The following LRRC4C variants were observed in gnomAD, a reference collection of about 807,000 sequenced individuals.
LRRC4C encodes the protein leucine rich repeat containing 4C.
LRRC4C carries 5 observed loss-of-function variants against 33.6 expected under a neutral mutation model. The observed-to-expected ratio is 0.15, with a 90% CI of 0.08 to 0.31. LRRC4C has a LOEUF of 0.31. Among genes scored for constraint, LRRC4C ranks in the 10% least tolerant of loss-of-function variants. The probability of loss-of-function intolerance (pLI) is 1.00; values close to 1 mark genes in which losing one functional copy is unlikely to be tolerated. For missense variants in LRRC4C, 560 were observed against 796.7 expected (o/e 0.70, Z 3.58); for synonymous variants, 329 against 302.0 (o/e 1.09, Z -0.93).
intron 3 of LRRC4C, among the ~76,000 whole-genome samples, chr11:40,484,741 G>T (rs1485810485): frequency 6.6e-6 from 1 of 151,974 alleles, no homozygotes; most frequent in Non-Finnish European, 1.5e-5. Flanking sequence ...TGGAAAAAAA[G>T]AATTATTCCA....
At chr11:40,927,693 G>C (rs1212718395) in intron 2 of LRRC4C, among the ~76,000 whole-genome samples, 1 of 152,100 alleles carries the variant, frequency 6.6e-6, no homozygotes, top group East Asian at 1.9e-4. Context: ...GCCTCTTCGG[G>C]CAGTTAAAAA....
intron 3 of LRRC4C, among the ~76,000 whole-genome samples, chr11:40,646,276 A>G (rs1942450542): frequency 1.3e-5 from 2 of 152,208 alleles, no homozygotes. Flanking sequence ...TCAGAAACAA[A>G]AAAGAACAGA....
chr11:41,399,061 A>T (rs909391726), intron 1 of LRRC4C, among the ~76,000 whole-genome samples: 3 of 151,998 alleles, frequency 2.0e-5, no homozygotes, highest in African/African-American at 7.2e-5. Context: ...TCTAGAAAGA[A>T]CTGACCAAAG....
chr11:40,497,689 C>T (rs1403902347), intron 3 of LRRC4C, among the ~76,000 whole-genome samples: 1 of 152,162 alleles, frequency 6.6e-6, no homozygotes, highest in Non-Finnish European at 1.5e-5. Flanking sequence ...AGCAGATAAC[C>T]TTGGACTCTA....
At chr11:41,065,684 G>C (rs1043469540) in intron 1 of LRRC4C, among the ~76,000 whole-genome samples, 15 of 152,184 alleles carry the variant, frequency 9.9e-5, no homozygotes, top group Non-Finnish European at 1.9e-4. Flanking sequence ...CAACAGGCCA[G>C]TATCCCTCTG....
At chr11:41,286,353 C>T (rs1276282127) in intron 1 of LRRC4C, among the ~76,000 whole-genome samples, 3 of 151,972 alleles carry the variant, frequency 2.0e-5, no homozygotes, top group South Asian at 2.1e-4. Context: ...GTCAAATCTC[C>T]GGGACTCAAC....
intron 1 of LRRC4C, among the ~76,000 whole-genome samples, chr11:41,286,156 C>A (rs770501984): frequency 3.3e-5 from 5 of 152,138 alleles, no homozygotes; most frequent in African/African-American, 4.8e-5. Flanking sequence ...GAGCAAGAGG[C>A]ACAACTTCAA....
chr11:41,404,078 T>A (rs1954126264), intron 1 of LRRC4C, among the ~76,000 whole-genome samples: 1 of 152,082 alleles, frequency 6.6e-6, no homozygotes, highest in Non-Finnish European at 1.5e-5. Context: ...AGAAGACATG[T>A]TTTGGTGATG....
intron 2 of LRRC4C, among the ~76,000 whole-genome samples, chr11:40,747,825 A>G (rs1443168476): frequency 6.6e-6 from 1 of 152,314 alleles, no homozygotes; most frequent in South Asian, 2.1e-4. Context: ...AAAGAAACTC[A>G]GAATTTGAAG....
At chr11:40,436,621 T>C (rs1951150581) in intron 3 of LRRC4C, among the ~76,000 whole-genome samples, 1 of 152,162 alleles carries the variant, frequency 6.6e-6, no homozygotes, top group Non-Finnish European at 1.5e-5. Flanking sequence ...CAAGACTCAA[T>C]AGAGCTATTA....
intron 1 of LRRC4C, among the ~76,000 whole-genome samples, chr11:41,316,279 A>AAAAAAAAAAAAAAAAAAAAAAAT (rs1555145089): frequency 6.8e-6 from 1 of 147,082 alleles, no homozygotes. Flanking sequence ...AAAAAAAAAA[A>AAAAAAAAAAAAAAAAAAAAAAAT]CAAAAAAAAA....
intron 3 of LRRC4C, among the ~76,000 whole-genome samples, chr11:40,371,522 C>G (rs185846452): frequency 1.3e-5 from 2 of 152,130 alleles, no homozygotes; most frequent in Non-Finnish European, 2.9e-5. Flanking sequence ...GGTTATAGAC[C>G]ATGGTGGACT....
At chr11:40,501,771 A>G (rs1474809773) in intron 3 of LRRC4C, among the ~76,000 whole-genome samples, 1 of 152,044 alleles carries the variant, frequency 6.6e-6, no homozygotes, top group Non-Finnish European at 1.5e-5. Context: ...TGTCCTGGAG[A>G]CATTTTCCCC....
At chr11:41,135,884 T>G (rs572648242) in intron 1 of LRRC4C, among the ~76,000 whole-genome samples, 1 of 152,164 alleles carries the variant, frequency 6.6e-6, no homozygotes, top group African/African-American at 2.4e-5. Flanking sequence ...GGCTAACATA[T>G]CAAGCTGACA....
intron 5 of LRRC4C, among the ~76,000 whole-genome samples, chr11:40,165,981 A>G (rs1270392442): frequency 6.6e-6 from 1 of 152,120 alleles, no homozygotes; most frequent in East Asian, 1.9e-4. Flanking sequence ...AAAGAAAACT[A>G]TCTCACTGCT....
intron 5 of LRRC4C, among the ~76,000 whole-genome samples, chr11:40,225,055 TA>T (rs1225083094): frequency 6.6e-6 from 1 of 152,310 alleles, no homozygotes. Flanking sequence ...AAGAGACCAG[TA>T]AAAACTTTTG....
intron 2 of LRRC4C, among the ~76,000 whole-genome samples, chr11:40,671,646 A>AGTGTGTGTGTGTGTGT (rs145275244): frequency 0.028 from 3,871 of 140,438 alleles, 64 homozygotes; most frequent in Non-Finnish European, 0.034. Context: ...GTCCTTATTC[A>AGTGTGTGTGTGTGTGT]GTGTGTGTGT....
intron 3 of LRRC4C, among the ~76,000 whole-genome samples, chr11:40,532,693 T>G (rs1422520855): frequency 7.2e-6 from 1 of 138,202 alleles, no homozygotes; most frequent in East Asian, 2.0e-4. Flanking sequence ...AAAAACAACA[T>G]AGAAGTGGGG....
chr11:41,032,106 A>G (rs1391515490), intron 1 of LRRC4C, among the ~76,000 whole-genome samples: 1 of 152,038 alleles, frequency 6.6e-6, no homozygotes, highest in Admixed American at 6.6e-5. Flanking sequence ...TGAAACACAC[A>G]ATGGGAATTT....
Sources: gnomAD v4.1 joint callset for allele counts (sites outside exome capture counted in the v4.1 genomes callset) on GRCh38, gnomAD v4.1.1 for gene constraint, MANE v1.5 for transcripts, NCBI Gene and HGNC (gene_info 2026-07-23, HGNC 2026-07-21) for gene names.